HMGCLL1: variants seen among roughly 807,000 people sequenced by gnomAD.
HMGCLL1 encodes 3-hydroxy-3-methylglutaryl-CoA lyase like 1.
In HMGCLL1, 36 loss-of-function variants were observed where a neutral mutation model predicts 39.1. The observed-to-expected ratio is 0.92, with a 90% CI of 0.71 to 1.22. The LOEUF is 1.22. HMGCLL1 is among the 50% of genes most tolerant of loss of function. The pLI, the probability that HMGCLL1 is intolerant of heterozygous loss-of-function variation, is 0.00. For synonymous variants in HMGCLL1, 149 were observed against 144.0 expected (o/e 1.03, Z -0.25); for missense variants, 451 against 416.5 (o/e 1.08, Z -0.72).
At chr6:55,473,678 T>C (rs904390326) in intron 7 of HMGCLL1, among the ~76,000 whole-genome samples, 3 of 151,522 alleles carry the variant, frequency 2.0e-5, no homozygotes, top group Admixed American at 6.6e-5. Flanking sequence ...TATTTTCATA[T>C]ATTGCATCTC....
At position 55,541,853 on chromosome 6, in the gene HMGCLL1, TA is replaced by T; in HGVS notation, c.190-18del. On this transcript the variant is annotated intron_variant, in intron 2 of 8. Transcript: ENST00000274901. Reference sequence around the variant, plus strand: ...AACTATAACCTATGAAAACAAAAAATATTTTATAAGTAAATTGTATAGGTCC... The same window carrying T: ...AACTATAACCTATGAAAACAAAAAATTTTTATAAGTAAATTGTATAGGTCC... The T allele has an allele frequency of 7.1e-7, 1 of 1,414,148 alleles. No individual in the cohort carries two copies. Among genetic ancestry groups the T allele is most frequent in the Non-Finnish European group, 9.9e-7 (1 of 1,014,208 alleles). The allele number at this position is 1,414,148 out of a possible 1,614,324, so 87.6% of individuals were successfully genotyped here.
chr6:55,598,176 A>T, the HMGCLL1 span, among the ~76,000 whole-genome samples: 13,277 of 152,212 alleles, frequency 0.087, 725 homozygotes, highest in African/African-American at 0.15. Context: ...TCTATCAGTT[A>T]TCTATTGCCA....
chr6:55,437,407 A>T (rs1561880068), intron 8 of HMGCLL1, among the ~76,000 whole-genome samples: 1 of 151,880 alleles, frequency 6.6e-6, no homozygotes, highest in Non-Finnish European at 1.5e-5. Flanking sequence ...TGAGGCCATC[A>T]ACCCACTGAG....
chr6:55,622,805 CCT>C, the HMGCLL1 span, among the ~76,000 whole-genome samples: 1 of 151,864 alleles, frequency 6.6e-6, no homozygotes, highest in Admixed American at 6.6e-5. Context: ...TTTCTCTTCC[CCT>C]GTTTTTTGTA....
chr6:55,522,241 GAT>G (rs1768078631), intron 3 of HMGCLL1, among the ~76,000 whole-genome samples: 1 of 151,724 alleles, frequency 6.6e-6, no homozygotes, highest in Non-Finnish European at 1.5e-5. Flanking sequence ...AAACTTAAAG[GAT>G]ACTGTTTATT....
the HMGCLL1 span, among the ~76,000 whole-genome samples, chr6:55,670,943 C>G: frequency 1.3e-5 from 2 of 151,216 alleles, no homozygotes; most frequent in African/African-American, 4.9e-5. Context: ...ATGATAAGGA[C>G]AGATTAAAAG....
chr6:55,532,977 G>A (rs1184770438), intron 3 of HMGCLL1, among the ~76,000 whole-genome samples: 14 of 151,318 alleles, frequency 9.3e-5, no homozygotes, highest in African/African-American at 2.4e-5. Flanking sequence ...TGTGGTAACA[G>A]TAGCAATGAT....
chr6:55,626,335 G>A, the HMGCLL1 span, among the ~76,000 whole-genome samples: 412 of 152,124 alleles, frequency 2.7e-3, 4 homozygotes, highest in Non-Finnish European at 4.3e-3. Flanking sequence ...TCTGACCAGC[G>A]CACTCACTTT....
chr6:55,602,951 T>C, the HMGCLL1 span, among the ~76,000 whole-genome samples: 1 of 152,130 alleles, frequency 6.6e-6, no homozygotes. Flanking sequence ...TTTGATTTTG[T>C]AGGTCTGCAG....
At chr6:55,645,533 G>T in the HMGCLL1 span, among the ~76,000 whole-genome samples, 1 of 151,924 alleles carries the variant, frequency 6.6e-6, no homozygotes, top group Non-Finnish European at 1.5e-5. Context: ...CTAGCTGTGG[G>T]TCTGTCAAAT....
At chr6:55,498,853 G>A (rs756964286) in intron 6 of HMGCLL1, among the ~76,000 whole-genome samples, 2 of 152,080 alleles carry the variant, frequency 1.3e-5, no homozygotes, top group African/African-American at 2.4e-5. Context: ...GTATGCAGGA[G>A]CAAAACAGGG....
chr6:55,493,746 T>TTTTG (rs1766438514), intron 7 of HMGCLL1, among the ~76,000 whole-genome samples: 9 of 151,164 alleles, frequency 6.0e-5, no homozygotes, highest in South Asian at 4.2e-4. Context: ...TTTGTTTTTT[T>TTTTG]TTTTGAGAAG....
At chr6:55,631,392 T>C in the HMGCLL1 span, among the ~76,000 whole-genome samples, 2 of 152,114 alleles carry the variant, frequency 1.3e-5, no homozygotes, top group South Asian at 2.1e-4. Flanking sequence ...CCATCTTCTA[T>C]AAGGAATTAT....
chr6:55,553,903 G>C (rs1770506762), intron 1 of HMGCLL1, among the ~76,000 whole-genome samples: 1 of 152,126 alleles, frequency 6.6e-6, no homozygotes, highest in Non-Finnish European at 1.5e-5. Flanking sequence ...AGTTCTTTCA[G>C]CAAGGAGCTC....
upstream of HMGCLL1, chr6:55,579,324 G>A: frequency 1.8e-6 from 1 of 541,944 alleles, no homozygotes; most frequent in South Asian, 2.1e-5. Context: ...AAGGAGCTGA[G>A]CCAGAGGATG....
In HMGCLL1 at chr6:55,547,752, G is replaced by T. The variant is rs375324744; in HGVS notation, c.109-5612C>A. Reference sequence around the variant, plus strand: ...TTTTCCAAGAAAATCTATTTTTGTTGTCTCATTTGAAATATGCACATGGTG... The same window carrying T: ...TTTTCCAAGAAAATCTATTTTTGTTTTCTCATTTGAAATATGCACATGGTG... On this transcript the variant is annotated intron_variant, in intron 1 of 8. Coordinates refer to ENST00000274901, the MANE Select transcript of HMGCLL1 (RefSeq NM_001042406.2). Among the ~76,000 whole-genome samples, 15 of 152,004 alleles carry T rather than the reference G, an allele frequency of 9.9e-5. No homozygotes were observed. In the South Asian group the frequency reaches 2.5e-3, roughly 25 times the overall value.
chr6:55,543,499 T>G (rs1410675778), intron 1 of HMGCLL1, among the ~76,000 whole-genome samples: 1 of 14,808 alleles, frequency 6.8e-5, no homozygotes, highest in Non-Finnish European at 1.7e-4. Flanking sequence ...ATATATATCA[T>G]ATATATCATA....
At chr6:55,490,708 G>T (rs946420186) in intron 7 of HMGCLL1, among the ~76,000 whole-genome samples, 5 of 152,008 alleles carry the variant, frequency 3.3e-5, no homozygotes, top group Non-Finnish European at 5.9e-5. Flanking sequence ...ATTTCCTGTA[G>T]CTCAGAAACA....
At chr6:55,444,446 T>TC (rs1763730519) in intron 7 of HMGCLL1, among the ~76,000 whole-genome samples, 2 of 152,028 alleles carry the variant, frequency 1.3e-5, no homozygotes, top group Admixed American at 1.3e-4. Context: ...GAATGAAAAT[T>TC]TGAGAACCAT....
Sources: allele counts gnomAD v4.1 joint callset (sites outside exome capture counted in the v4.1 genomes callset), GRCh38; gene constraint gnomAD v4.1.1; transcripts MANE v1.5; gene names NCBI Gene and HGNC (gene_info 2026-07-23, HGNC 2026-07-21).